The following CAB39L variants were observed in gnomAD, a reference collection of about 807,000 sequenced individuals.
CAB39L encodes the protein calcium-binding protein 39-like.
A neutral mutation model predicts 39.1 loss-of-function variants in CAB39L; 23 were observed. The observed-to-expected ratio is 0.59, with a 90% CI of 0.42 to 0.83. CAB39L has a LOEUF of 0.83. Ranked by LOEUF, CAB39L falls within the 40% of genes least tolerant of loss-of-function variation. The probability of loss-of-function intolerance (pLI) is 0.00; values close to 1 mark genes in which losing one functional copy is unlikely to be tolerated. For synonymous variants in CAB39L, 126 were observed against 137.2 expected, an observed-to-expected ratio of 0.92 and a Z score of 0.57; for missense variants, 366 against 391.9, an observed-to-expected ratio of 0.93 and a Z score of 0.56.
chr13:49,311,373 A>C (rs1306101297), intron 10 of CAB39L, among the ~76,000 whole-genome samples: 2 of 152,246 alleles, frequency 1.3e-5, no homozygotes, highest in African/African-American at 4.8e-5. Context: ...TGCACAGTGC[A>C]TAATACTTGA....
chr13:49,379,047 G>T lies in CAB39L; in HGVS notation c.112-1916C>A, dbSNP rs1264221706. ...GGGGTGTCAGCCCCCCGCCCGGCCA[G>T]CTGCCCCGTCCGAGAGGGAGGTGGG... is the stretch of plus-strand genomic sequence containing the variant. On this transcript the variant is annotated intron_variant, in intron 4 of 10. Coordinates refer to ENST00000409308, the MANE Select transcript of CAB39L (RefSeq NM_001079670.3). Among the ~76,000 whole-genome samples the T allele has an allele frequency of 1.4e-4, 8 of 57,066 alleles. No homozygotes were observed. The East Asian group carries it at 2.0e-3, about 14-fold the overall frequency. 37.4% of individuals were successfully genotyped at this position (57,066 alleles called of 152,430 possible).
chr13:49,385,215 C>T (rs1956332470), intron 3 of CAB39L, among the ~76,000 whole-genome samples: 1 of 152,198 alleles, frequency 6.6e-6, no homozygotes, highest in Non-Finnish European at 1.5e-5. Flanking sequence ...TTCCCCTGCA[C>T]TTTTATGTTC....
rs183161991 is a variant in CAB39L, at chr13:49,443,241, A to C, written c.-246+745T>G. On this transcript the variant is annotated intron_variant, in intron 1 of 10. Transcript: ENST00000409308. Reference sequence around the variant, plus strand: ...TGTCATGGCAGACCCAGAGATTTATAATCTTCAACATATCGTTATCGGGGA... The same window carrying C: ...TGTCATGGCAGACCCAGAGATTTATCATCTTCAACATATCGTTATCGGGGA... Among the ~76,000 whole-genome samples, 8 of 152,202 alleles carry C rather than the reference A, an allele frequency of 5.3e-5. No homozygotes were observed. In the East Asian group the frequency reaches 1.4e-3, roughly 26 times the overall value.
At chr13:49,402,924 A>C (rs1490401960) in intron 3 of CAB39L, among the ~76,000 whole-genome samples, 1 of 152,140 alleles carries the variant, frequency 6.6e-6, no homozygotes, top group East Asian at 1.9e-4. Flanking sequence ...AAATGGAAAT[A>C]ATTCTAAATC....
intron 10 of CAB39L, 106 bp downstream of exon 10, chr13:49,331,841 T>G (rs1954707582): frequency 1.9e-6 from 2 of 1,046,484 alleles, no homozygotes; most frequent in Admixed American, 2.2e-5. Flanking sequence ...GACTGCCTAT[T>G]TCATTTTCTT....
intron 3 of CAB39L, among the ~76,000 whole-genome samples, chr13:49,406,127 T>C (rs1594067787): frequency 2.0e-5 from 3 of 152,032 alleles, no homozygotes; most frequent in African/African-American, 7.2e-5. Flanking sequence ...CAATAATTTG[T>C]TGTACATTTT....
Position 49,337,013 on chromosome 13 carries a change from T to C in CAB39L, c.690+2664A>G, listed in dbSNP as rs142990228. On this transcript the variant is annotated intron_variant, in intron 9 of 10. Transcript: ENST00000409308. The stretch of plus-strand genomic sequence containing the variant: ...AAAGGGGAAACTCAATAAAAAGTGC[T>C]GGATGGCTGGCTGAAAAATGGCCTC... 9.2e-5 allele frequency among the ~76,000 whole-genome samples: 14 copies of C among 152,310 alleles called. No individual in the cohort carries two copies. The East Asian group carries it at 2.7e-3, about 29-fold the overall frequency.
At chr13:49,344,004 C>T (rs1955074504) in intron 8 of CAB39L, among the ~76,000 whole-genome samples, 175 bp downstream of exon 8, 1 of 152,160 alleles carries the variant, frequency 6.6e-6, no homozygotes, top group African/African-American at 2.4e-5. Context: ...TGACCTCCTG[C>T]CATCTCAATT....
chr13:49,435,856 T>C (rs1957403332), intron 1 of CAB39L, among the ~76,000 whole-genome samples: 1 of 152,148 alleles, frequency 6.6e-6, no homozygotes, highest in South Asian at 2.1e-4. Context: ...CTTTGGCCCA[T>C]TTTCCTACTG....
chr13:49,318,974 C>T (rs1468211814), intron 10 of CAB39L, among the ~76,000 whole-genome samples: 3 of 151,960 alleles, frequency 2.0e-5, no homozygotes, highest in Non-Finnish European at 4.4e-5. Context: ...AGTACCGGGC[C>T]GGGTGCAGTG....
intron 3 of CAB39L, chr13:49,413,125 CAAAACA>C (rs1388531962): frequency 6.7e-6 from 1 of 149,748 alleles, no homozygotes; most frequent in East Asian, 1.9e-4. Context: ...CAAAACAAAA[CAAAACA>C]AAAAACCTTA....
At chr13:49,330,886 C>G (rs1954671523) in intron 10 of CAB39L, among the ~76,000 whole-genome samples, 1 of 152,110 alleles carries the variant, frequency 6.6e-6, no homozygotes, top group Admixed American at 6.5e-5. Context: ...ATATCAATGA[C>G]ATAGGACTAT....
chr13:49,437,790 G>A lies in CAB39L; in HGVS notation c.-245-3567C>T, dbSNP rs114045016. 3.0e-3 allele frequency among the ~76,000 whole-genome samples: 451 copies of A among 152,168 alleles called. 1 individual carries two copies. Among genetic ancestry groups the A allele is most frequent in the Middle Eastern group, 0.01 (3 of 294 alleles). On this transcript the variant is annotated intron_variant, in intron 1 of 10. Coordinates refer to ENST00000409308, the MANE Select transcript of CAB39L (RefSeq NM_001079670.3). ...ACTCAGTTATCAAACCTTCAGAAGCGAAATTTAAGCTTCCCTGCAAATTGC... is the reference window on the plus strand; with the variant it reads ...ACTCAGTTATCAAACCTTCAGAAGCAAAATTTAAGCTTCCCTGCAAATTGC...
chr13:49,397,612 GA>G (rs577390358), intron 3 of CAB39L, among the ~76,000 whole-genome samples: 2 of 150,686 alleles, frequency 1.3e-5, no homozygotes, highest in South Asian at 4.2e-4. Flanking sequence ...TGTAGTTCCA[GA>G]AAAAAAAACT....
At chr13:49,327,531 T>C (rs1297262083) in intron 10 of CAB39L, among the ~76,000 whole-genome samples, 1 of 151,754 alleles carries the variant, frequency 6.6e-6, no homozygotes, top group African/African-American at 2.4e-5. Context: ...CTCAAACTCC[T>C]GGCCTCAAGT....
chr13:49,361,976 A>C (rs1955650370), intron 5 of CAB39L, among the ~76,000 whole-genome samples: 2 of 151,986 alleles, frequency 1.3e-5, no homozygotes, highest in South Asian at 4.2e-4. Flanking sequence ...TTTTCACAAC[A>C]ACCTTATTTT....
chr13:49,382,128 T>A (rs182659232), intron 4 of CAB39L, among the ~76,000 whole-genome samples: 236 of 152,278 alleles, frequency 1.5e-3, no homozygotes, highest in Non-Finnish European at 2.6e-3. Context: ...AAAAAGGTTT[T>A]TTTTTCTTTT....
chr13:49,385,336 G>A (rs1956334967), intron 3 of CAB39L, among the ~76,000 whole-genome samples: 1 of 152,166 alleles, frequency 6.6e-6, no homozygotes, highest in African/African-American at 2.4e-5. Context: ...AGAAAGCTGG[G>A]GACTTGCTCT....
intron 3 of CAB39L, among the ~76,000 whole-genome samples, chr13:49,416,838 T>G (rs148571546): frequency 1.6e-3 from 244 of 152,314 alleles, no homozygotes; most frequent in African/African-American, 5.6e-3. Flanking sequence ...ATTATTAATG[T>G]GCCTACTGAG....
Sources: allele counts gnomAD v4.1 joint callset (sites outside exome capture counted in the v4.1 genomes callset), GRCh38; gene constraint gnomAD v4.1.1; transcripts MANE v1.5; gene names NCBI Gene and HGNC (gene_info 2026-07-23, HGNC 2026-07-21).